CD6: variants seen among roughly 807,000 people sequenced by gnomAD.
CD6 encodes T-cell differentiation antigen CD6.
A neutral mutation model predicts 75.3 loss-of-function variants in CD6; 53 were observed. The observed-to-expected ratio is 0.70, with a 90% CI of 0.56 to 0.88. The LOEUF is 0.88. CD6 is among the 40% of genes least tolerant of loss of function. CD6 has a pLI of 0.00. For missense variants in CD6, 770 were observed against 897.1 expected (o/e 0.86, Z 1.81); for synonymous variants, 359 against 381.5 (o/e 0.94, Z 0.69).
chr11:61,018,928 T>C, intron 12 of CD6: 1 of 358,282 alleles, frequency 2.8e-6, no homozygotes, highest in Non-Finnish European at 5.0e-6. Context: ...AGAAGTGAGC[T>C]CCCTGTCAGT....
chr11:61,019,057 C>A, intron 12 of CD6, 197 bp from the exon 13 acceptor site: 1 of 543,876 alleles, frequency 1.8e-6, no homozygotes, highest in Non-Finnish European at 3.3e-6. Flanking sequence ...AGACCATAGC[C>A]CTGAACCAGA....
At chr11:61,009,462 A>C in intron 4 of CD6, 110 bp from the exon 5 acceptor site, 2 of 992,074 alleles carry the variant, frequency 2.0e-6, no homozygotes, top group Non-Finnish European at 2.9e-6. Context: ...AAGACACAAG[A>C]TCTGGAGACC....
At chr11:61,010,465 T>C (rs1057060783) in intron 5 of CD6, among the ~76,000 whole-genome samples, 1 of 152,156 alleles carries the variant, frequency 6.6e-6, no homozygotes, top group African/African-American at 2.4e-5. Flanking sequence ...GTGTTAAAGT[T>C]TGAAAAAACG....
intron 9 of CD6, 128 bp downstream of exon 9, chr11:61,015,963 C>A: frequency 8.4e-7 from 1 of 1,195,124 alleles, no homozygotes; most frequent in Admixed American, 2.4e-5. Context: ...CCCTGGTTAC[C>A]CACTGGATTG....
intron 1 of CD6, among the ~76,000 whole-genome samples, chr11:60,983,319 T>A (rs2135030753): frequency 6.6e-6 from 1 of 152,206 alleles, no homozygotes; most frequent in East Asian, 1.9e-4. Context: ...CTTTAACTCC[T>A]GACCTCAAGC....
intron 1 of CD6, among the ~76,000 whole-genome samples, chr11:61,006,308 ACTG>A (rs1218759315): frequency 1.3e-5 from 2 of 152,184 alleles, no homozygotes; most frequent in Non-Finnish European, 2.9e-5. Flanking sequence ...CCCAGTGCCC[ACTG>A]CCTTTCCTCC....
At chr11:61,005,791 C>T (rs1858819043) in intron 1 of CD6, among the ~76,000 whole-genome samples, 1 of 152,110 alleles carries the variant, frequency 6.6e-6, no homozygotes, top group East Asian at 1.9e-4. Flanking sequence ...ATTAGCCAGG[C>T]GTGGTGGCGC....
chr11:60,972,976 T>C (rs991566768), intron 1 of CD6, among the ~76,000 whole-genome samples: 1 of 152,202 alleles, frequency 6.6e-6, no homozygotes, highest in African/African-American at 2.4e-5. Flanking sequence ...GCATGTAGCT[T>C]TGCCCTGCTA....
At chr11:61,001,188 G>A (rs375425417) in intron 1 of CD6, among the ~76,000 whole-genome samples, 1 of 146,676 alleles carries the variant, frequency 6.8e-6, no homozygotes, top group Non-Finnish European at 1.5e-5. Flanking sequence ...ATAGTCTGAT[G>A]ATGATGTGTC....
rs764003415 is a variant in CD6 at position 61,015,810 on chromosome 11, T to G, written c.1485T>G (p.Pro495=). 1 of 1,614,162 alleles carries G rather than the reference T, an allele frequency of 6.2e-7. No homozygotes were observed. Among genetic ancestry groups the G allele is most frequent in the Non-Finnish European group, 8.5e-7 (1 of 1,180,014 alleles). ...AGCACTATGACTTCAGCGCCCAGCCTCCTGTGGCCCTGACCACCTTCTACA... is the reference window on the plus strand; with the variant it reads ...AGCACTATGACTTCAGCGCCCAGCCGCCTGTGGCCCTGACCACCTTCTACA... ...DYEHYDFSAQ[P]PVALTTFYNS... Residue 495 remains proline, a synonymous_variant, in exon 9 of 13, where the codon CCT becomes CCG. Transcript: ENST00000313421.
At chr11:61,017,410 C>A (rs1859453422) in intron 9 of CD6, 69 bp from the exon 10 acceptor site, 3 of 1,278,010 alleles carry the variant, frequency 2.3e-6, no homozygotes, top group Admixed American at 2.0e-5. Flanking sequence ...GGAAATCCAG[C>A]CTCTTCTCCA....
chr11:60,982,386 G>C (rs865783825), intron 1 of CD6, among the ~76,000 whole-genome samples: 3 of 152,210 alleles, frequency 2.0e-5, no homozygotes, highest in Admixed American at 6.5e-5. Flanking sequence ...CGCCGCCAGT[G>C]GCTGACAGAG....
chr11:60,982,665 AT>A (rs1178861391), intron 1 of CD6: 1 of 455,944 alleles, frequency 2.2e-6, no homozygotes, highest in Non-Finnish European at 4.4e-6. Flanking sequence ...TTGGAGAAAT[AT>A]GTTGCTTTGC....
chr11:60,987,702 C>G (rs1187808081), intron 1 of CD6, among the ~76,000 whole-genome samples: 2 of 119,546 alleles, frequency 1.7e-5, no homozygotes, highest in African/African-American at 2.7e-5. Context: ...TTGGCAAAGG[C>G]CTGGAAAGAG....
At chr11:60,985,357 G>T (rs1962616) in intron 1 of CD6, among the ~76,000 whole-genome samples, 1,824 of 151,644 alleles carry the variant, frequency 0.012, 37 homozygotes, top group African/African-American at 0.042. Flanking sequence ...GCTAATTTTT[G>T]TATTTTTAGT....
chr11:61,010,008 G>A, intron 5 of CD6, 134 bp downstream of exon 5: 2 of 826,306 alleles, frequency 2.4e-6, no homozygotes, highest in Non-Finnish European at 3.6e-6. Flanking sequence ...AAGGACTGTT[G>A]TCCTTACGGT....
chr11:60,990,907 C>G (rs1265999192), intron 1 of CD6, among the ~76,000 whole-genome samples: 1 of 151,862 alleles, frequency 6.6e-6, no homozygotes, highest in African/African-American at 2.4e-5. Context: ...AATAATCCAG[C>G]CTATGATACA....
At chr11:60,994,465 A>AAAAAAAAAACAAAC (rs1554993198) in intron 1 of CD6, among the ~76,000 whole-genome samples, 2 of 138,276 alleles carry the variant, frequency 1.4e-5, no homozygotes, top group African/African-American at 5.0e-5. Flanking sequence ...GCCAAAAAAA[A>AAAAAAAAAACAAAC]AAAAAAGCTG....
In CD6 at chr11:61,018,330, G is replaced by C. The variant is rs747896927; in HGVS notation, c.1879G>C (p.Glu627Gln). 1.9e-6 allele frequency: 3 copies of C among 1,608,788 alleles called. No individual in the cohort carries two copies. Among genetic ancestry groups the C allele is most frequent in the Non-Finnish European group, 2.5e-6 (3 of 1,177,778 alleles). The change falls in exon 12 of 13, where the codon GAG becomes CAG. Residue 627 changes from glutamate to glutamine, a missense_variant. Transcript: ENST00000313421. ...ADDSSSTSSG[E>Q]WYQNFQPPPQ... is the part of the protein sequence containing the mutation. ...TGACAGCTCCAGCACCTCATCCGGG[G>C]AGTGGTACCAGAACTTCCAGCCACC...
Sources: gnomAD v4.1 joint callset for allele counts (sites outside exome capture counted in the v4.1 genomes callset) on GRCh38, gnomAD v4.1.1 for gene constraint, MANE v1.5 for transcripts, NCBI Gene and HGNC (gene_info 2026-07-23, HGNC 2026-07-21) for gene names.